Variants in NFATC1 observed in about 807,000 individuals in gnomAD.
The protein encoded by NFATC1 is nuclear factor of activated T cells 1.
NFATC1 carries 22 observed loss-of-function variants against 76.0 expected under a neutral mutation model. The observed-to-expected ratio is 0.29, with a 90% CI of 0.21 to 0.41. NFATC1 has a LOEUF of 0.41. NFATC1 is among the 10% of genes least tolerant of loss of function. NFATC1 has a pLI of 1.00. For synonymous variants in NFATC1, 704 were observed against 613.1 expected (o/e 1.15, Z -2.19); for missense variants, 1,357 against 1,337.7 (o/e 1.01, Z -0.23).
At position 79,528,057 on chromosome 18, in the gene NFATC1, AGAG is replaced by A; in HGVS notation, c.*481_*483del. ...GAGGTTTTACCCTCTGTATGAATGA[AGAG>A]AACGCTGGAAGGCTGCGAGAGGACT... On this transcript the variant is annotated 3_prime_UTR_variant, in exon 10 of 10. Transcript: ENST00000427363. 1 of 405,106 alleles carries A rather than the reference AGAG, an allele frequency of 2.5e-6. No individual in the cohort carries two copies. Among genetic ancestry groups the A allele is most frequent in the Non-Finnish European group, 4.3e-6 (1 of 230,026 alleles). 25.1% of individuals were successfully genotyped at this position (405,106 alleles called of 1,614,324 possible).
chr18:79,503,182 C>T (rs1459573278), intron 9 of NFATC1, among the ~76,000 whole-genome samples: 1 of 152,188 alleles, frequency 6.6e-6, no homozygotes, highest in Non-Finnish European at 1.5e-5. Context: ...ACCTGGAAAC[C>T]CTCATGCTCT....
At chr18:79,475,779 G>A (rs749794009) in intron 8 of NFATC1, among the ~76,000 whole-genome samples, 9 of 152,220 alleles carry the variant, frequency 5.9e-5, no homozygotes, top group Admixed American at 3.9e-4. Flanking sequence ...AGATGTGCTC[G>A]CCAAAACCAC....
In NFATC1 at chr18:79,483,297, T is replaced by C. The variant is rs562879198; in HGVS notation, c.2093-2951T>C. Reference sequence around the variant, plus strand: ...ACTCCAGCGTGACCTGGTCCTGGGGTGTCATTCCGGCGTGACCTGGTTCCT... The same window carrying C: ...ACTCCAGCGTGACCTGGTCCTGGGGCGTCATTCCGGCGTGACCTGGTTCCT... On this transcript the variant is annotated intron_variant, in intron 8 of 9. Coordinates refer to ENST00000427363, the MANE Select transcript of NFATC1 (RefSeq NM_001278669.2). Among the ~76,000 whole-genome samples, 146 of 108,336 alleles carry C rather than the reference T, an allele frequency of 1.3e-3. 7 individuals carry two copies. Among genetic ancestry groups the C allele is most frequent in the South Asian group, 2.3e-3 (8 of 3,426 alleles). 71.1% of individuals were successfully genotyped at this position (108,336 alleles called of 152,430 possible). A position where few individuals can be genotyped will look rare whatever the true frequency, so the allele number is the denominator to read the frequency against.
intron 3 of NFATC1, among the ~76,000 whole-genome samples, chr18:79,447,171 G>A (rs953280026): frequency 6.6e-6 from 1 of 152,250 alleles, no homozygotes; most frequent in Non-Finnish European, 1.5e-5. Context: ...CACGGCGGCT[G>A]AGGCTAAGCT....
intron 4 of NFATC1, 124 bp downstream of exon 4, chr18:79,449,108 G>A (rs1486229311): frequency 3.5e-6 from 3 of 858,662 alleles, no homozygotes; most frequent in Non-Finnish European, 5.3e-6. Context: ...GACACTTTTG[G>A]TTTAACAGCC....
At position 79,411,163 on chromosome 18, in the gene NFATC1, C is replaced by T. The variant is rs371914637; in HGVS notation, c.888C>T (p.Thr296=). 71 of 1,612,174 alleles carry T rather than the reference C, an allele frequency of 4.4e-5. No homozygotes were observed. The African/African-American group carries it at 5.1e-4, about 12-fold the overall frequency. ...SPHGSPRVSV[T]DDSWLGNTTQ... is the part of the protein sequence containing the mutation. ...ACGGCTCCCCGCGGGTCAGCGTGAC[C>T]GACGACTCGTGGTTGGGCAACACCA... Residue 296 remains threonine (T), a synonymous_variant, in exon 2 of 10, where the codon ACC becomes ACT. Transcript: ENST00000427363.
Position 79,448,696 on chromosome 18 carries a change from C to T in NFATC1, c.1387-86C>T, listed in dbSNP as rs186413931. ...AGGGCAGGGGGACACAGGCCTCGAA[C>T]CCGCCGCAGGTTTTCTCTGCGTTCC... On this transcript the variant is annotated intron_variant, in intron 3 of 9. Coordinates refer to ENST00000427363, the MANE Select transcript of NFATC1 (RefSeq NM_001278669.2). The T allele has an allele frequency of 1.8e-4, 250 of 1,378,384 alleles. No homozygotes were observed. In the African/African-American group the frequency reaches 3.2e-3, roughly 18 times the overall value. 85.4% of individuals were successfully genotyped at this position (1,378,384 alleles called of 1,614,324 possible).
chr18:79,485,474 C>A (rs1600888949), intron 8 of NFATC1, among the ~76,000 whole-genome samples: 1 of 152,256 alleles, frequency 6.6e-6, no homozygotes, highest in Admixed American at 6.5e-5. Context: ...CTTCCCAACA[C>A]CCCCACAGAA....
intron 9 of NFATC1, among the ~76,000 whole-genome samples, chr18:79,507,053 G>A (rs1349397455): frequency 6.6e-6 from 1 of 152,222 alleles, no homozygotes; most frequent in Non-Finnish European, 1.5e-5. Context: ...TCACCCCAGA[G>A]CTGTGGCTGG....
chr18:79,448,952 C>G lies in NFATC1; in HGVS notation c.1557C>G (p.Ile519Met), dbSNP rs191173939. The G allele has an allele frequency of 6.2e-7, 1 of 1,613,436 alleles. No homozygotes were observed. Among genetic ancestry groups the G allele is most frequent in the African/African-American group, 1.3e-5 (1 of 75,068 alleles). Residue 519 changes from isoleucine to methionine, a missense_variant, in exon 4 of 10, where the codon ATC (isoleucine) becomes ATG (methionine). Coordinates refer to ENST00000427363, the MANE Select transcript of NFATC1 (RefSeq NM_001278669.2). ...AILSNTKVLE[I>M]PLLPENSMRA... ...TCTCCAACACCAAAGTCCTGGAGAT[C>G]CCACTCCTGCCGGAGAACAGCATGC...
Position 79,482,397 on chromosome 18 carries a change from A to G in NFATC1, c.2093-3851A>G, listed in dbSNP as rs868354785. On this transcript the variant is annotated intron_variant, in intron 8 of 9. Coordinates refer to ENST00000427363, the MANE Select transcript of NFATC1 (RefSeq NM_001278669.2). ...CGTGGTCCTGGGGTGTCACTCCAGCATGACCTGGTTCCTGGGGTGTCATTC... is the reference window on the plus strand; with the variant it reads ...CGTGGTCCTGGGGTGTCACTCCAGCGTGACCTGGTTCCTGGGGTGTCATTC... 2.8e-3 allele frequency among the ~76,000 whole-genome samples: 226 copies of G among 81,392 alleles called. 2 individuals carry two copies. The highest frequency in any genetic ancestry group is 0.012 in the East Asian group (28 of 2,336). The allele number at this position is 81,392 out of a possible 152,430, so 53.4% of individuals were successfully genotyped here.
chr18:79,434,623 C>T (rs903720160), intron 3 of NFATC1, among the ~76,000 whole-genome samples: 5 of 152,252 alleles, frequency 3.3e-5, no homozygotes, highest in African/African-American at 7.2e-5. Context: ...GGATGTTTTC[C>T]GAGCACACCC....
chr18:79,480,265 G>A (rs978189098), intron 8 of NFATC1, among the ~76,000 whole-genome samples: 1 of 152,210 alleles, frequency 6.6e-6, no homozygotes, highest in Non-Finnish European at 1.5e-5. Flanking sequence ...AGAGGAGCGT[G>A]TTGCCACAGC....
chr18:79,508,594 T>G (rs1249322372), intron 9 of NFATC1, among the ~76,000 whole-genome samples: 3 of 152,074 alleles, frequency 2.0e-5, no homozygotes, highest in Non-Finnish European at 4.4e-5. Flanking sequence ...CCCCTCTCTC[T>G]CGGTCTTTCT....
At chr18:79,400,367 C>CCCG in intron 1 of NFATC1, 1 of 1,434,224 alleles carries the variant, frequency 7.0e-7, no homozygotes. Context: ...CCCCGGCTCC[C>CCCG]GCCCCGGCCC....
At chr18:79,492,653 G>A (rs551036656) in intron 9 of NFATC1, among the ~76,000 whole-genome samples, 7 of 151,570 alleles carry the variant, frequency 4.6e-5, no homozygotes, top group Non-Finnish European at 7.4e-5. Flanking sequence ...AGCTTGCAGA[G>A]AGCTGAGATC....
Position 79,465,870 on chromosome 18 carries a change from C to G in NFATC1, c.1960-1580C>G, listed in dbSNP as rs1348973949. Among the ~76,000 whole-genome samples the G allele has an allele frequency of 3.3e-5, 5 of 152,262 alleles. No homozygotes were observed. On this transcript the variant is annotated intron_variant, in intron 7 of 9. Coordinates refer to ENST00000427363, the MANE Select transcript of NFATC1 (RefSeq NM_001278669.2). This position sits in a 1 kb window ranked among gnomAD's most constrained non-coding sequence, Gnocchi z 4.2. The stretch of plus-strand genomic sequence containing the variant: ...GGAGATGGCCCAGACCCACAGTGCT[C>G]TGGGGGCAGCCCAGGCCCCGCCCAC...
intron 4 of NFATC1, among the ~76,000 whole-genome samples, chr18:79,450,027 G>A (rs2087393169): frequency 6.6e-6 from 1 of 152,166 alleles, no homozygotes; most frequent in South Asian, 2.1e-4. Context: ...CGCAGACAGG[G>A]CACAGTCAGG....
At position 79,433,599 on chromosome 18, in the gene NFATC1, A is replaced by G. The variant is rs1340847526; in HGVS notation, c.1247A>G (p.Asp416Gly). The change falls in exon 3 of 10, where the codon GAC (aspartate) becomes GGC (glycine). Residue 416 changes from aspartate (D) to glycine (G), a missense_variant. By Grantham distance (94) the Asp-to-Gly change is moderately conservative (BLOSUM62 -1). Around this residue, in one of 3 missense-constraint regions of NFATC1, gnomAD observed 691 missense variants for 613.1 expected, o/e 1.13. Coordinates refer to ENST00000427363, the MANE Select transcript of NFATC1 (RefSeq NM_001278669.2). ...SYMSPTLPAL[D>G]WQLPSHSGPY... ...TCCAGCCCGACCCTGCCCGCCCTGG[A>G]CTGGCAGCTGCCGTCCCACTCAGGC... The G allele has an allele frequency of 1.2e-6, 2 of 1,612,552 alleles. No homozygotes were observed. The highest frequency in any genetic ancestry group is 1.3e-5 in the African/African-American group (1 of 74,838).
Sources: gnomAD v4.1 joint callset for allele counts (sites outside exome capture counted in the v4.1 genomes callset) on GRCh38, gnomAD v4.1.1 for gene constraint, gnomAD v4.1.1 regional missense constraint, Gnocchi (gnomAD v3.1) non-coding constraint, MANE v1.5 for transcripts, NCBI Gene and HGNC (gene_info 2026-07-23, HGNC 2026-07-21) for gene names.